Variants in PDXDC1 observed in about 807,000 individuals in gnomAD.
PDXDC1 encodes pyridoxal-dependent decarboxylase domain-containing protein 1.
In PDXDC1, 42 loss-of-function variants were observed where a neutral mutation model predicts 100.1. The ratio of observed to expected loss-of-function variants is 0.42; its 90% CI spans 0.33 to 0.54. The LOEUF is 0.54. Among genes scored for constraint, PDXDC1 ranks in the 20% least tolerant of loss-of-function variants. The probability of loss-of-function intolerance (pLI) is 0.10; values close to 1 mark genes in which losing one functional copy is unlikely to be tolerated. For missense variants in PDXDC1, 636 were observed against 979.2 expected (o/e 0.65, Z 4.68); for synonymous variants, 260 against 371.7 (o/e 0.70, Z 3.46).
At chr16:15,122,058 G>A (rs2047447449) in intron 16 of PDXDC1, among the ~76,000 whole-genome samples, 1 of 151,630 alleles carries the variant, frequency 6.6e-6, no homozygotes, top group African/African-American at 2.4e-5. Context: ...GAGCTACTCA[G>A]GAGGCTGAGG....
At chr16:15,143,152 G>C (rs112954389), downstream of PDXDC1, among the ~76,000 whole-genome samples, 32 of 152,256 alleles carry the variant, frequency 2.1e-4, no homozygotes, top group African/African-American at 7.7e-4. Flanking sequence ...CCGAGCGTCC[G>C]ATCTGGAAGG....
chr16:14,993,145 A>G (rs1216910977), intron 1 of PDXDC1, among the ~76,000 whole-genome samples: 1 of 152,124 alleles, frequency 6.6e-6, no homozygotes, highest in Non-Finnish European at 1.5e-5. Flanking sequence ...TTTTTTTTTA[A>G]TTTTTTAAAA....
chr16:14,978,685 G>A (rs1488175922), intron 1 of PDXDC1, among the ~76,000 whole-genome samples: 3 of 152,400 alleles, frequency 2.0e-5, no homozygotes, highest in Admixed American at 6.5e-5. Context: ...GTGAGCCACC[G>A]TGCCAGGCCA....
At chr16:14,981,907 G>A (rs1399734503) in intron 1 of PDXDC1, among the ~76,000 whole-genome samples, 3 of 151,856 alleles carry the variant, frequency 2.0e-5, no homozygotes, top group African/African-American at 7.3e-5. Flanking sequence ...TTGGTTCACT[G>A]TAACCTCTGC....
chr16:15,061,409 G>T lies in PDXDC1; in HGVS notation c.1399+31353G>T, dbSNP rs2044705544. 3 of 275,146 alleles carry T rather than the reference G, an allele frequency of 1.1e-5. No individual in the cohort carries two copies. In the South Asian group the frequency reaches 4.8e-4, roughly 44 times the overall value. 17.0% of individuals were successfully genotyped at this position (275,146 alleles called of 1,614,324 possible). A position where few individuals can be genotyped will look rare whatever the true frequency, so the allele number is the denominator to read the frequency against. On this transcript the variant is annotated intron_variant, in intron 16 of 16. Transcript: ENST00000535621. ...AAAACAGCAACCCGTAAAACAGTCT[G>T]CTGCCTATATTAGAAATTACCCAGT...
At chr16:15,083,489 G>A (rs538239412) in intron 16 of PDXDC1, 2 of 1,607,186 alleles carry the variant, frequency 1.2e-6, no homozygotes, top group Non-Finnish European at 1.7e-6. Flanking sequence ...TTTCCATGAT[G>A]TTCTCAATGA....
At chr16:15,140,102 A>AG (rs1262223972), downstream of PDXDC1, among the ~76,000 whole-genome samples, 1 of 143,830 alleles carries the variant, frequency 7.0e-6, no homozygotes, top group Non-Finnish European at 1.6e-5. Context: ...TCTCAAAAAA[A>AG]AAAAAAAAAA....
In PDXDC1 at chr16:15,130,834, A is replaced by T. The variant is rs1331911477; in HGVS notation, c.1400-8045A>T. 4 of 782,280 alleles carry T rather than the reference A, an allele frequency of 5.1e-6. No individual in the cohort carries two copies. In the South Asian group the frequency reaches 6.1e-5, roughly 12 times the overall value. 48.5% of individuals were successfully genotyped at this position (782,280 alleles called of 1,614,324 possible). On this transcript the variant is annotated intron_variant, in intron 16 of 16. Coordinates refer to the PDXDC1 transcript ENST00000535621. ...GGTCACACGCCTGCTGGGAAGCTCA[A>T]CCACCCGGGGGACACCCACGATGGC...
chr16:15,076,909 A>G (rs1220837855), intron 16 of PDXDC1, among the ~76,000 whole-genome samples: 1 of 152,152 alleles, frequency 6.6e-6, no homozygotes, highest in African/African-American at 2.4e-5. Flanking sequence ...GCTCTATGCC[A>G]GGCAGCCTCA....
intron 4 of PDXDC1, 128 bp from the exon 5 acceptor site, chr16:15,004,059 G>A: frequency 1.2e-6 from 1 of 857,940 alleles, no homozygotes; most frequent in Admixed American, 2.5e-5. Flanking sequence ...TACTGTTTAT[G>A]CATTGATTTG....
intron 16 of PDXDC1, chr16:15,044,331 TACTAAG>T (rs1173041659): frequency 6.2e-7 from 1 of 1,600,770 alleles, no homozygotes; most frequent in Admixed American, 1.7e-5. Flanking sequence ...AAAATGAACT[TACTAAG>T]AAGTTGATGA....
At chr16:15,092,478 A>G (rs1220557682) in intron 16 of PDXDC1, 1 of 1,475,624 alleles carries the variant, frequency 6.8e-7, no homozygotes, top group Non-Finnish European at 9.5e-7. Context: ...GACCTAACCA[A>G]AAGCAAACCT....
In PDXDC1 at chr16:15,036,494, G is replaced by C. The variant is rs1741; in HGVS notation, c.*219G>C. 170,061 of 545,692 alleles carry C rather than the reference G, an allele frequency of 0.31. 27,864 individuals carry two copies. Among genetic ancestry groups the C allele is most frequent in the Admixed American group, 0.46 (12,950 of 28,358 alleles). 33.8% of individuals were successfully genotyped at this position (545,692 alleles called of 1,614,324 possible). A position where few individuals can be genotyped will look rare whatever the true frequency, so the allele number is the denominator to read the frequency against. ...AGAACCACGTTTGCTGTCCTACTAC[G>C]ACTTTTCCCTAAGTTACCATAAACA... is the stretch of plus-strand genomic sequence containing the variant. On this transcript the variant is annotated 3_prime_UTR_variant, in exon 23 of 23. Transcript: ENST00000396410.
chr16:15,094,047 C>T (rs535772414), intron 16 of PDXDC1: 177 of 1,093,730 alleles, frequency 1.6e-4, no homozygotes, highest in South Asian at 1.5e-3. Flanking sequence ...TCCTATCACA[C>T]GCCATGAGCT....
chr16:15,122,858 G>T (rs1484494719), intron 16 of PDXDC1, among the ~76,000 whole-genome samples: 1 of 132,390 alleles, frequency 7.6e-6, no homozygotes, highest in East Asian at 2.3e-4. Context: ...GGAGGGGAAG[G>T]GGGGAGTAAG....
chr16:15,043,170 G>T (rs987442329), downstream of PDXDC1, among the ~76,000 whole-genome samples: 3 of 152,132 alleles, frequency 2.0e-5, no homozygotes, highest in African/African-American at 4.8e-5. Context: ...AAAGTGCTGG[G>T]ATTACAGGCA....
chr16:15,003,423 A>G lies in PDXDC1; in HGVS notation c.243-764A>G, dbSNP rs1231709351. ...AGTAGAGATGGGGTTTCACCATGTTAGCCAGGATGGTCTCAATCTCCTGAC... is the reference window on the plus strand; with the variant it reads ...AGTAGAGATGGGGTTTCACCATGTTGGCCAGGATGGTCTCAATCTCCTGAC... On this transcript the variant is annotated intron_variant, in intron 4 of 22. Transcript: ENST00000396410. 1.4e-4 allele frequency among the ~76,000 whole-genome samples: 21 copies of G among 152,244 alleles called. No individual in the cohort carries two copies. The South Asian group carries it at 1.5e-3, about 11-fold the overall frequency.
chr16:15,036,394 AT>A lies in PDXDC1; in HGVS notation c.*123del. 9.6e-7 allele frequency: 1 copy of A among 1,040,220 alleles called. No individual in the cohort carries two copies. Among genetic ancestry groups the A allele is most frequent in the Non-Finnish European group, 1.4e-6 (1 of 710,098 alleles). The allele number at this position is 1,040,220 out of a possible 1,614,324, so 64.4% of individuals were successfully genotyped here. A position where few individuals can be genotyped will look rare whatever the true frequency, so the allele number is the denominator to read the frequency against. ...TTACTGTTGTTTGTGCTTCACTGGGATTTTGGCACAAATATGTGCCTGAAAG... is the reference window on the plus strand; with the variant it reads ...TTACTGTTGTTTGTGCTTCACTGGGATTTGGCACAAATATGTGCCTGAAAG... On this transcript the variant is annotated 3_prime_UTR_variant, in exon 23 of 23. Transcript: ENST00000396410.
chr16:15,147,774 C>T, the PDXDC1 span, among the ~76,000 whole-genome samples: 4 of 152,038 alleles, frequency 2.6e-5, no homozygotes, highest in Admixed American at 2.0e-4. Context: ...CTGCAACCTC[C>T]GCCTCCCGGG....
Sources: allele counts gnomAD v4.1 joint callset (sites outside exome capture counted in the v4.1 genomes callset), GRCh38; gene constraint gnomAD v4.1.1; transcripts MANE v1.5; gene names NCBI Gene and HGNC (gene_info 2026-07-23, HGNC 2026-07-21).